Variants in JDP2 observed in about 807,000 individuals in gnomAD.
JDP2 encodes the protein Jun dimerization protein 2.
Under a neutral mutation model 17.1 loss-of-function variants are expected in JDP2, and 9 were observed. That is an observed-to-expected ratio of 0.53 (90% CI 0.32 to 0.92). The LOEUF is 0.92. Among genes scored for constraint, JDP2 ranks in the 40% least tolerant of loss-of-function variants. The probability of loss-of-function intolerance (pLI) is 0.04; values close to 1 mark genes in which losing one functional copy is unlikely to be tolerated. For synonymous variants in JDP2, 107 were observed against 95.6 expected (o/e 1.12, Z -0.69); for missense variants, 179 against 220.0 (o/e 0.81, Z 1.18).
At chr14:75,427,947 G>C (rs1884596590), upstream of JDP2, 3 of 152,066 alleles carry the variant, frequency 2.0e-5, no homozygotes, top group South Asian at 4.1e-4. The surrounding 1 kb of genome is among the most constrained non-coding windows in gnomAD (Gnocchi z 4.4). Context: ...CTGGCAGCTC[G>C]GCCGGTTCCG....
intron 2 of JDP2, among the ~76,000 whole-genome samples, chr14:75,454,070 T>C (rs532574568): frequency 6.6e-6 from 1 of 152,284 alleles, no homozygotes; most frequent in East Asian, 1.9e-4. Flanking sequence ...CAAAATCACA[T>C]CTGGGCTGCT....
intron 2 of JDP2, among the ~76,000 whole-genome samples, chr14:75,453,978 A>T (rs913221259): frequency 6.6e-6 from 1 of 151,982 alleles, no homozygotes; most frequent in Non-Finnish European, 1.5e-5. Context: ...TTGGGTTGAG[A>T]ATGTAATTTC....
intron 2 of JDP2, among the ~76,000 whole-genome samples, chr14:75,453,940 A>C (rs927510042): frequency 3.3e-5 from 5 of 151,324 alleles, no homozygotes; most frequent in African/African-American, 1.2e-4. Flanking sequence ...TTCTTTGTCC[A>C]TGTGAGAGTT....
At chr14:75,457,910 G>A (rs543384265) in intron 2 of JDP2, among the ~76,000 whole-genome samples, 98 of 152,358 alleles carry the variant, frequency 6.4e-4, no homozygotes, top group African/African-American at 2.0e-3. Context: ...AGATGCAAAC[G>A]GGTGATAAGT....
intron 1 of JDP2, among the ~76,000 whole-genome samples, chr14:75,429,021 G>C (rs546810521): frequency 1.8e-4 from 27 of 152,142 alleles, no homozygotes; most frequent in African/African-American, 6.3e-4. Context: ...AGGGGTAGGG[G>C]TGCAGTGGGG....
At chr14:75,466,155 T>A (rs1345796240) in intron 3 of JDP2, among the ~76,000 whole-genome samples, 2 of 152,190 alleles carry the variant, frequency 1.3e-5, no homozygotes, top group Non-Finnish European at 2.9e-5. Flanking sequence ...GTTAGTTACA[T>A]TCTGGCTGGG....
At position 75,437,951 on chromosome 14, in the gene JDP2, G is replaced by C; in HGVS notation, c.31G>C (p.Val11Leu). Reference protein sequence around the residue: MMPGQIPDPSVTTGSLPGLGP... With the variant: MMPGQIPDPSLTTGSLPGLGP... Reference sequence around the variant, plus strand: ...GCCTGGGCAGATCCCGGACCCTTCGGTGACCACAGGCTCCCTGCCAGGGCT... The same window carrying C: ...GCCTGGGCAGATCCCGGACCCTTCGCTGACCACAGGCTCCCTGCCAGGGCT... The change falls in exon 2 of 4, where the codon GTG becomes CTG. Residue 11 changes from valine (V) to leucine (L), a missense_variant. Physicochemically the swap from Val to Leu is conservative, Grantham distance 32. Coordinates refer to ENST00000651602, the MANE Select transcript of JDP2 (RefSeq NM_001135048.2). The C allele has an allele frequency of 1.2e-6, 2 of 1,612,902 alleles. No homozygotes were observed. Among genetic ancestry groups the C allele is most frequent in the Non-Finnish European group, 1.7e-6 (2 of 1,179,610 alleles).
intron 2 of JDP2, among the ~76,000 whole-genome samples, chr14:75,444,281 AG>A (rs1300422558): frequency 2.6e-5 from 4 of 152,250 alleles, no homozygotes; most frequent in Non-Finnish European, 5.9e-5. Flanking sequence ...CACAGATATA[AG>A]GTAGGCTTGT....
intron 1 of JDP2, among the ~76,000 whole-genome samples, chr14:75,431,395 G>A (rs1222144123): frequency 6.6e-6 from 1 of 152,214 alleles, no homozygotes; most frequent in African/African-American, 2.4e-5. Flanking sequence ...GATCACGGCT[G>A]CCAGTGTTCA....
Position 75,469,446 on chromosome 14 carries a change from C to A in JDP2, c.463C>A (p.Pro155Thr), listed in dbSNP as rs1886721122. Reference sequence around the variant, plus strand: ...CAAGACCCCCGAGTCAGAAGGCAACCCACTGCTCGAGCAGCTCGAGAAGAA... The same window carrying A: ...CAAGACCCCCGAGTCAGAAGGCAACACACTGCTCGAGCAGCTCGAGAAGAA... Reference protein sequence around the residue: ...SVKTPESEGNPLLEQLEKK With the variant: ...SVKTPESEGNTLLEQLEKK The change falls in exon 4 of 4, where the codon CCA becomes ACA. Residue 155 changes from proline (P) to threonine (T), a missense_variant. By Grantham distance (38) the Pro-to-Thr change is conservative. Transcript: ENST00000651602. 6.2e-7 allele frequency: 1 copy of A among 1,613,776 alleles called. No individual in the cohort carries two copies. The highest frequency in any genetic ancestry group is 1.3e-5 in the African/African-American group (1 of 74,862).
intron 2 of JDP2, among the ~76,000 whole-genome samples, chr14:75,447,960 G>C (rs1885681152): frequency 6.6e-6 from 1 of 152,050 alleles, no homozygotes; most frequent in African/African-American, 2.4e-5. Flanking sequence ...TGCCCGGCTA[G>C]CTAGTTAGCT....
Position 75,437,926 on chromosome 14 carries a change from G to T in JDP2, c.6G>T (p.Met2Ile). 6.2e-7 allele frequency: 1 copy of T among 1,608,744 alleles called. No homozygotes were observed. The highest frequency in any genetic ancestry group is 8.5e-7 in the Non-Finnish European group (1 of 1,177,790). Residue 2 changes from methionine (M) to isoleucine (I), a missense_variant, in exon 2 of 4, where the codon ATG becomes ATT. Physicochemically the swap from Met to Ile is conservative, Grantham distance 10. Transcript: ENST00000651602. M[M>I]PGQIPDPSVT... ...GGCCTGCCACTCCTCCTGCTATGAT[G>T]CCTGGGCAGATCCCGGACCCTTCGG...
rs576473010 is a variant in JDP2, at chr14:75,450,752, C to T, written c.202-10674C>T. Among the ~76,000 whole-genome samples the T allele has an allele frequency of 2.6e-4, 40 of 152,342 alleles. No homozygotes were observed. In the South Asian group the frequency reaches 7.7e-3, roughly 29 times the overall value. ...AGCTCTGTGGATCAGGCCTCCCTTCCTCCCTAACCACGCAAGGTGCTGAGC... is the reference window on the plus strand; with the variant it reads ...AGCTCTGTGGATCAGGCCTCCCTTCTTCCCTAACCACGCAAGGTGCTGAGC... On this transcript the variant is annotated intron_variant, in intron 2 of 3. Coordinates refer to ENST00000651602, the MANE Select transcript of JDP2 (RefSeq NM_001135048.2).
intron 1 of JDP2, among the ~76,000 whole-genome samples, chr14:75,429,301 C>G (rs931365738): frequency 2.0e-5 from 3 of 152,160 alleles, no homozygotes; most frequent in African/African-American, 7.2e-5. Context: ...GGGGCTATGG[C>G]CCGACCACGT....
rs1172961779 is a variant in JDP2 at position 75,428,558 on chromosome 14, C to T, written c.-24+306C>T. 2.6e-5 allele frequency: 4 copies of T among 152,246 alleles called. No individual in the cohort carries two copies. Among genetic ancestry groups the T allele is most frequent in the African/African-American group, 9.6e-5 (4 of 41,452 alleles). The allele number at this position is 152,246 out of a possible 1,614,324, so 9.4% of individuals were successfully genotyped here. Reference sequence around the variant, plus strand: ...CCTTCTCCCTCCCGCGCTCTCCTCCCCCGTCCGTTTGCAGGGAGGTGCTCT... The same window carrying T: ...CCTTCTCCCTCCCGCGCTCTCCTCCTCCGTCCGTTTGCAGGGAGGTGCTCT... On this transcript the variant is annotated intron_variant, in intron 1 of 3. Coordinates refer to ENST00000651602, the MANE Select transcript of JDP2 (RefSeq NM_001135048.2). This position sits in a 1 kb window ranked among gnomAD's most constrained non-coding sequence, Gnocchi z 5.6.
chr14:75,463,931 G>A (rs1322772567), intron 3 of JDP2, among the ~76,000 whole-genome samples: 1 of 152,264 alleles, frequency 6.6e-6, no homozygotes, highest in Non-Finnish European at 1.5e-5. Flanking sequence ...AGGGCTGCAG[G>A]AGGGGAGACG....
intron 2 of JDP2, among the ~76,000 whole-genome samples, chr14:75,450,787 G>A (rs1340189879): frequency 6.6e-6 from 1 of 152,190 alleles, no homozygotes; most frequent in Non-Finnish European, 1.5e-5. Context: ...CACACAAAAA[G>A]TCAACAAGAT....
rs374693119 is a variant in JDP2, at chr14:75,437,939, C to G, written c.19C>G (p.Pro7Ala). 4.3e-6 allele frequency: 7 copies of G among 1,611,698 alleles called. No homozygotes were observed. Among genetic ancestry groups the G allele is most frequent in the Non-Finnish European group, 5.1e-6 (6 of 1,179,266 alleles). The change falls in exon 2 of 4, where the codon CCG becomes GCG. Residue 7 changes from proline (P) to alanine (A), a missense_variant. Pro to Ala is a conservative substitution (Grantham distance 27, BLOSUM62 -1). Transcript: ENST00000651602. ...TCCTGCTATGATGCCTGGGCAGATCCCGGACCCTTCGGTGACCACAGGCTC... is the reference window on the plus strand; with the variant it reads ...TCCTGCTATGATGCCTGGGCAGATCGCGGACCCTTCGGTGACCACAGGCTC... MMPGQI[P>A]DPSVTTGSLP...
At chr14:75,454,102 G>A (rs1594965716) in intron 2 of JDP2, among the ~76,000 whole-genome samples, 3 of 152,144 alleles carry the variant, frequency 2.0e-5, no homozygotes, top group Admixed American at 2.0e-4. Flanking sequence ...TGGAAATGCC[G>A]CGCCACCTGC....
Sources: gnomAD v4.1 joint callset for allele counts (sites outside exome capture counted in the v4.1 genomes callset) on GRCh38, gnomAD v4.1.1 for gene constraint, Gnocchi (gnomAD v3.1) non-coding constraint, MANE v1.5 for transcripts, NCBI Gene and HGNC (gene_info 2026-07-23, HGNC 2026-07-21) for gene names.